The following VSIG10 variants were observed in gnomAD, a reference collection of about 807,000 sequenced individuals.
VSIG10 encodes the protein V-set and immunoglobulin domain containing 10.
In VSIG10, 48 loss-of-function variants were observed where a neutral mutation model predicts 58.7. The ratio of observed to expected loss-of-function variants is 0.82; its 90% CI spans 0.65 to 1.04. The LOEUF (loss-of-function observed/expected upper bound fraction) is 1.04. Among genes scored for constraint, VSIG10 ranks in the 50% least tolerant of loss-of-function variants. VSIG10 has a pLI of 0.00. For synonymous variants in VSIG10, 260 were observed against 267.1 expected (o/e 0.97, Z 0.26); for missense variants, 628 against 670.0 (o/e 0.94, Z 0.69).
intron 4 of VSIG10, among the ~76,000 whole-genome samples, chr12:118,075,132 A>AT (rs2032665052): frequency 7.1e-6 from 1 of 141,176 alleles, no homozygotes. Context: ...ATATGTGTAT[A>AT]TATGTATATA....
At position 118,079,450 on chromosome 12, in the gene VSIG10, A is replaced by G; in HGVS notation, c.821T>C (p.Val274Ala). The G allele has an allele frequency of 6.2e-7, 1 of 1,613,740 alleles. No individual in the cohort carries two copies. Among genetic ancestry groups the G allele is most frequent in the Non-Finnish European group, 8.5e-7 (1 of 1,179,834 alleles). Residue 274 changes from valine (V) to alanine (A), a missense_variant, in exon 4 of 9, where the codon GTG becomes GCG. By Grantham distance (64) the Val-to-Ala change is moderately conservative. Transcript: ENST00000359236. The stretch of plus-strand genomic sequence containing the variant: ...CAGCTGGGACTCGCTCAGCATTTCC[A>G]CCCCCAGCTTTGACTTCCCCACGAT... Reference protein sequence around the residue: ...GVIVGKSKLGVEMLSESQLSD... With the variant: ...GVIVGKSKLGAEMLSESQLSD...
chr12:118,087,253 A>C (rs1234589481), intron 2 of VSIG10, among the ~76,000 whole-genome samples: 3 of 152,030 alleles, frequency 2.0e-5, no homozygotes, highest in Admixed American at 6.6e-5. Flanking sequence ...TGAGTGATGA[A>C]ATCACACCAC....
chr12:118,097,652 G>A (rs542823257), intron 1 of VSIG10, among the ~76,000 whole-genome samples: 14 of 150,696 alleles, frequency 9.3e-5, no homozygotes, highest in South Asian at 6.3e-4. Flanking sequence ...ACAAAAGGCC[G>A]GGCTCCACGC....
At chr12:118,084,644 C>T (rs1388509956) in intron 2 of VSIG10, among the ~76,000 whole-genome samples, 2 of 151,986 alleles carry the variant, frequency 1.3e-5, no homozygotes, top group Non-Finnish European at 2.9e-5. Context: ...TTTGGGAGGC[C>T]GAGGTGGGTG....
At chr12:118,095,891 A>T (rs1347749544) in intron 1 of VSIG10, 77 bp from the exon 2 acceptor site, 13 of 1,155,780 alleles carry the variant, frequency 1.1e-5, no homozygotes, top group Admixed American at 2.9e-5. Flanking sequence ...GTACTCCTGT[A>T]TTAGGATTTT....
intron 1 of VSIG10, among the ~76,000 whole-genome samples, chr12:118,096,127 C>A (rs1342475392): frequency 6.7e-6 from 1 of 150,312 alleles, no homozygotes; most frequent in South Asian, 2.1e-4. Context: ...GGTTTCACCA[C>A]CACATTGGCC....
At chr12:118,084,967 CGA>C (rs1283394356) in intron 2 of VSIG10, among the ~76,000 whole-genome samples, 1 of 152,036 alleles carries the variant, frequency 6.6e-6, no homozygotes, top group African/African-American at 2.4e-5. Context: ...TGCAGTGAGC[CGA>C]GATCGCGCCA....
intron 3 of VSIG10, among the ~76,000 whole-genome samples, chr12:118,080,735 C>T (rs1293904349): frequency 1.3e-5 from 2 of 152,076 alleles, no homozygotes; most frequent in African/African-American, 4.8e-5. Flanking sequence ...TATAGACGAA[C>T]CTCAAAAACA....
chr12:118,101,870 A>C (rs2033631260), intron 1 of VSIG10: 1 of 152,288 alleles, frequency 6.6e-6, no homozygotes, highest in Non-Finnish European at 1.5e-5. Flanking sequence ...ACGGTGGCTC[A>C]CACCCATAAT....
chr12:118,084,943 C>T (rs2033074807), intron 2 of VSIG10, among the ~76,000 whole-genome samples: 4 of 152,252 alleles, frequency 2.6e-5, no homozygotes, highest in African/African-American at 7.2e-5. Context: ...GGTGTGAACC[C>T]GGGAGGCGGA....
At chr12:118,078,957 AAAAAAAAAAAAT>A (rs1299982605) in intron 4 of VSIG10, among the ~76,000 whole-genome samples, 1 of 146,932 alleles carries the variant, frequency 6.8e-6, no homozygotes, top group East Asian at 2.0e-4. Context: ...AAAAAAAAAA[AAAAAAAAAAAAT>A]TTTCTTTATA....
At chr12:118,081,709 A>G (rs1295959854) in intron 3 of VSIG10, among the ~76,000 whole-genome samples, 1 of 152,198 alleles carries the variant, frequency 6.6e-6, no homozygotes, top group African/African-American at 2.4e-5. Context: ...ATCATGCAGC[A>G]GGCACCCCCT....
intron 1 of VSIG10, among the ~76,000 whole-genome samples, chr12:118,098,317 C>T (rs2033527308): frequency 8.0e-6 from 1 of 125,436 alleles, no homozygotes; most frequent in African/African-American, 3.2e-5. Context: ...CCCTCTCTCT[C>T]CGCCTCTCCC....
Position 118,103,959 on chromosome 12 carries a change from A to G in VSIG10, c.-288T>C, listed in dbSNP as rs1192344256. Reference sequence around the variant, plus strand: ...AGCCTACTCCTGCCGGCGGAAAACAACAGGAGCGGGATCCCTCCCGCCTCC... The same window carrying G: ...AGCCTACTCCTGCCGGCGGAAAACAGCAGGAGCGGGATCCCTCCCGCCTCC... On this transcript the variant is annotated 5_prime_UTR_variant, in exon 1 of 9. Coordinates refer to ENST00000359236, the MANE Select transcript of VSIG10 (RefSeq NM_019086.6). 2 of 312,642 alleles carry G rather than the reference A, an allele frequency of 6.4e-6. No homozygotes were observed. Among genetic ancestry groups the G allele is most frequent in the Non-Finnish European group, 1.2e-5 (2 of 170,192 alleles). The allele number at this position is 312,642 out of a possible 1,614,324, so 19.4% of individuals were successfully genotyped here. A position where few individuals can be genotyped will look rare whatever the true frequency, so the allele number is the denominator to read the frequency against.
At chr12:118,084,648 G>A (rs1430545920) in intron 2 of VSIG10, among the ~76,000 whole-genome samples, 1 of 152,138 alleles carries the variant, frequency 6.6e-6, no homozygotes, top group Non-Finnish European at 1.5e-5. Flanking sequence ...GGAGGCCGAG[G>A]TGGGTGGATC....
chr12:118,071,508 T>C, intron 5 of VSIG10, 39 bp from the exon 6 acceptor site: 1 of 1,573,528 alleles, frequency 6.4e-7, no homozygotes. Flanking sequence ...TTCCATCAGA[T>C]ATGTGTGCAA....
At chr12:118,072,125 C>T (rs1054953366) in intron 5 of VSIG10, among the ~76,000 whole-genome samples, 5 of 150,676 alleles carry the variant, frequency 3.3e-5, no homozygotes, top group South Asian at 2.1e-4. Flanking sequence ...GCCAAGATCG[C>T]GCCATTGCAC....
At chr12:118,101,260 T>C (rs2033616376) in intron 1 of VSIG10, among the ~76,000 whole-genome samples, 3 of 152,118 alleles carry the variant, frequency 2.0e-5, no homozygotes, top group Admixed American at 2.0e-4. Flanking sequence ...AGTCATCGAT[T>C]TAGTGATGTC....
intron 7 of VSIG10, 190 bp downstream of exon 7, chr12:118,070,862 T>C (rs764952285): frequency 4.6e-6 from 3 of 658,722 alleles, no homozygotes; most frequent in Non-Finnish European, 5.2e-6. Context: ...AATGGAGATG[T>C]CACCACCACC....
Sources: allele counts gnomAD v4.1 joint callset (sites outside exome capture counted in the v4.1 genomes callset), GRCh38; gene constraint gnomAD v4.1.1; transcripts MANE v1.5; gene names NCBI Gene and HGNC (gene_info 2026-07-23, HGNC 2026-07-21).